Variants in RBBP7 observed in about 807,000 individuals in gnomAD.
The protein encoded by RBBP7 is histone-binding protein RBBP7.
Under a neutral mutation model 35.2 loss-of-function variants are expected in RBBP7, and 5 were observed. That is an observed-to-expected ratio of 0.14 (90% CI 0.07 to 0.30). The LOEUF (loss-of-function observed/expected upper bound fraction) is 0.30, where lower values mean the gene tolerates loss of function less well. RBBP7 is among the 10% of genes least tolerant of loss of function. The pLI is 1.00. For synonymous variants in RBBP7, 140 were observed against 118.7 expected, an observed-to-expected ratio of 1.18 and a Z score of -1.17; for missense variants, 155 against 327.5, an observed-to-expected ratio of 0.47 and a Z score of 4.07.
At chrX:16,869,403 T>C in intron 1 of RBBP7, 183 bp from the exon 2 acceptor site, 2 of 1,075,683 alleles carry the variant, frequency 1.9e-6, no homozygotes, top group Admixed American at 3.2e-5. Context: ...GCCTATTTTT[T>C]CCATTGAGAT....
intron 5 of RBBP7, among the ~76,000 whole-genome samples, chrX:16,854,580 A>G (rs1340098716): frequency 1.8e-5 from 2 of 111,419 alleles, no homozygotes; most frequent in East Asian, 5.7e-4. Flanking sequence ...TCACATAGCA[A>G]AAGCCTCATG....
intron 2 of RBBP7, among the ~76,000 whole-genome samples, chrX:16,865,981 A>T (rs1444003432): frequency 8.9e-6 from 1 of 111,965 alleles, no homozygotes; most frequent in Non-Finnish European, 1.9e-5. Context: ...AAAAATGAAG[A>T]TACAGGTATG....
intron 4 of RBBP7, 145 bp from the exon 5 acceptor site, chrX:16,857,854 A>C: frequency 1.2e-5 from 10 of 865,723 alleles, no homozygotes; most frequent in Non-Finnish European, 1.5e-5. Context: ...ATTGAGCCTC[A>C]TGACCATTAG....
intron 2 of RBBP7, among the ~76,000 whole-genome samples, chrX:16,863,313 TG>T (rs1025857793): frequency 8.9e-6 from 1 of 111,935 alleles, no homozygotes; most frequent in African/African-American, 3.3e-5. Context: ...GCAGAGGGCT[TG>T]CTTCTTTCCC....
intron 6 of RBBP7, chrX:16,853,100 T>A: frequency 2.4e-6 from 1 of 423,401 alleles, no homozygotes; most frequent in Non-Finnish European, 3.9e-6. Context: ...TAGATTCCTA[T>A]TTTAATTACC....
intron 1 of RBBP7, 157 bp downstream of exon 1, chrX:16,869,881 T>C: frequency 3.7e-6 from 3 of 807,777 alleles, no homozygotes; most frequent in Non-Finnish European, 4.4e-6. Flanking sequence ...GGCGGTCCCG[T>C]CCCGCGCAGG....
At chrX:16,866,672 G>C (rs759398148) in intron 2 of RBBP7, among the ~76,000 whole-genome samples, 2 of 110,435 alleles carry the variant, frequency 1.8e-5, no homozygotes, top group East Asian at 5.6e-4. Flanking sequence ...TAATCGTTAT[G>C]AAGCATGTTG....
intron 3 of RBBP7, among the ~76,000 whole-genome samples, chrX:16,861,894 G>A (rs1395732096): frequency 9.0e-6 from 1 of 111,619 alleles, no homozygotes; most frequent in Non-Finnish European, 1.9e-5. Context: ...GCAATGGACC[G>A]CGTTGTACCA....
chrX:16,852,009 C>A, intron 9 of RBBP7, 37 bp downstream of exon 9: 1 of 1,127,110 alleles, frequency 8.9e-7, no homozygotes, highest in African/African-American at 1.8e-5. Flanking sequence ...CAGATAGGCA[C>A]ATTTATGCAG....
intron 10 of RBBP7, chrX:16,848,684 G>A (rs766124533): frequency 9.0e-6 from 1 of 111,629 alleles, no homozygotes; most frequent in East Asian, 2.8e-4. Context: ...GCTAAATCCG[G>A]CAATGCTTCA....
At chrX:16,866,208 T>C (rs1167235963) in intron 2 of RBBP7, among the ~76,000 whole-genome samples, 1 of 111,691 alleles carries the variant, frequency 9.0e-6, no homozygotes, top group Non-Finnish European at 1.9e-5. Context: ...AATAACTATC[T>C]AATTAAAACA....
At chrX:16,869,644 G>A (rs1315020483) in intron 1 of RBBP7, 2 of 1,129,908 alleles carry the variant, frequency 1.8e-6, no homozygotes, top group African/African-American at 1.8e-5. Flanking sequence ...GCAGCCATAG[G>A]CCTGAGGACC....
At chrX:16,861,454 G>A (rs996661416) in intron 3 of RBBP7, among the ~76,000 whole-genome samples, 8 of 111,182 alleles carry the variant, frequency 7.2e-5, no homozygotes, top group Non-Finnish European at 1.5e-4. Flanking sequence ...GGGCTCAAGC[G>A]ATCCTCAGCC....
At chrX:16,861,449 C>G (rs1300671785) in intron 3 of RBBP7, among the ~76,000 whole-genome samples, 1 of 111,288 alleles carries the variant, frequency 9.0e-6, no homozygotes. Context: ...CTCCTGGGCT[C>G]AAGCGATCCT....
At chrX:16,869,563 G>C in intron 1 of RBBP7, 2 of 1,166,794 alleles carry the variant, frequency 1.7e-6, no homozygotes, top group Non-Finnish European at 2.3e-6. Context: ...TGCACGTGTA[G>C]CAGAAGCCCA....
chrX:16,848,695 T>C (rs751313744), intron 10 of RBBP7: 4 of 111,342 alleles, frequency 3.6e-5, no homozygotes, highest in Non-Finnish European at 7.5e-5. Context: ...CAATGCTTCA[T>C]AGAAAAATGA....
chrX:16,860,805 T>C (rs1930457163), intron 3 of RBBP7, among the ~76,000 whole-genome samples: 1 of 112,038 alleles, frequency 8.9e-6, no homozygotes, highest in Admixed American at 9.5e-5. Flanking sequence ...TTAACATCAT[T>C]ATGCAGAGAC....
At chrX:16,852,327 T>TGAG (rs1177933401) in intron 8 of RBBP7, 1 of 524,736 alleles carries the variant, frequency 1.9e-6, no homozygotes, top group Admixed American at 3.3e-5. Flanking sequence ...TCCCCAGCAC[T>TGAG]GAGGAACTCA....
At chrX:16,859,528 A>G (rs1007092620) in intron 3 of RBBP7, among the ~76,000 whole-genome samples, 1 of 112,678 alleles carries the variant, frequency 8.9e-6, no homozygotes, top group Non-Finnish European at 1.9e-5. Flanking sequence ...AACTTCCAAG[A>G]AGTAGCAACA....
Sources: gnomAD v4.1 joint callset for allele counts (sites outside exome capture counted in the v4.1 genomes callset) on GRCh38, gnomAD v4.1.1 for gene constraint, MANE v1.5 for transcripts, NCBI Gene and HGNC (gene_info 2026-07-23, HGNC 2026-07-21) for gene names.